Variants in SF3A2 observed in about 807,000 individuals in gnomAD.
SF3A2 encodes the protein splicing factor 3a subunit 2, also known as SAP 62.
Under a neutral mutation model 31.1 loss-of-function variants are expected in SF3A2, and 5 were observed. The ratio of observed to expected loss-of-function variants is 0.16; its 90% confidence interval spans 0.08 to 0.34. The LOEUF (loss-of-function observed/expected upper bound fraction) is 0.34, where lower values mean the gene tolerates loss of function less well. SF3A2 is among the 10% of genes least tolerant of loss of function. SF3A2 has a pLI of 1.00. For synonymous variants in SF3A2, 365 were observed against 263.7 expected, an observed-to-expected ratio of 1.38 and a Z score of -3.72; for missense variants, 577 against 643.9, an observed-to-expected ratio of 0.90 and a Z score of 1.13.
In SF3A2 at chr19:2,247,063, G is replaced by A. The variant is rs761634042; in HGVS notation, c.546+41G>A. ...GGTTCCCTGGGCCCCCTTGAGATGT[G>A]CAAGCCAGAAGGATCTGCATAGGCT... is the stretch of plus-strand genomic sequence containing the variant. On this transcript the variant is annotated intron_variant, in intron 7 of 8. Transcript: ENST00000221494. 7.6e-6 allele frequency: 8 copies of A among 1,058,656 alleles called. No individual in the cohort carries two copies. The South Asian group carries it at 1.1e-4, about 15-fold the overall frequency. The allele number at this position is 1,058,656 out of a possible 1,614,324, so 65.6% of individuals were successfully genotyped here. A position where few individuals can be genotyped will look rare whatever the true frequency, so the allele number is the denominator to read the frequency against.
chr19:2,248,007 G>A lies in SF3A2; in HGVS notation c.856G>A (p.Gly286Arg), dbSNP rs1459691559. The change falls in exon 9 of 9, where the codon GGG becomes AGG. Residue 286 changes from glycine (G) to arginine (R), a missense_variant. Physicochemically the swap from Gly to Arg is moderately radical, Grantham distance 125 (BLOSUM62 -2). This residue lies in a region of SF3A2 where 462 missense variants were observed against 339.1 expected (regional missense o/e 1.36). Coordinates refer to ENST00000221494, the MANE Select transcript of SF3A2 (RefSeq NM_007165.5). ...ACCCCAGCTACCCCCGCCAGCTCCA[G>A]GGGTCCACCCCCCGGCCCCAGTGGT... ...GPPQLPPPAP[G>R]VHPPAPVVHP... is the part of the protein sequence containing the mutation. 1 of 941,032 alleles carries A rather than the reference G, an allele frequency of 1.1e-6. No individual in the cohort carries two copies. The highest frequency in any genetic ancestry group is 1.6e-6 in the Non-Finnish European group (1 of 614,702). The allele number at this position is 941,032 out of a possible 1,614,324, so 58.3% of individuals were successfully genotyped here. A position where few individuals can be genotyped will look rare whatever the true frequency, so the allele number is the denominator to read the frequency against.
rs1203070278 is a variant in SF3A2, at chr19:2,245,291, C to T, written c.246-155C>T. 1.6e-6 allele frequency: 1 copy of T among 610,352 alleles called. No homozygotes were observed. The highest frequency in any genetic ancestry group is 2.9e-6 in the Non-Finnish European group (1 of 342,042). 37.8% of individuals were successfully genotyped at this position (610,352 alleles called of 1,614,324 possible). ...AGAACATGCCTGTCCTATCCCTGTC[C>T]TCAGCCAAACCCCAGGGCCCCTCCC... On this transcript the variant is annotated intron_variant, in intron 4 of 8. Transcript: ENST00000221494. The surrounding 1 kb of genome is among the most constrained non-coding windows in gnomAD (Gnocchi z 4.2).
rs200809541 is a variant in SF3A2 at position 2,247,757 on chromosome 19, G to T, written c.616-10G>T. On this transcript the variant is annotated splice_polypyrimidine_tract_variant and intron_variant, in intron 8 of 8. Coordinates refer to ENST00000221494, the MANE Select transcript of SF3A2 (RefSeq NM_007165.5). ...ACCCGTGCCTGCTGAACCTTTCTCCGTCTCTCTAGTTCTTCCTCCAGTTCC... is the reference window on the plus strand; with the variant it reads ...ACCCGTGCCTGCTGAACCTTTCTCCTTCTCTCTAGTTCTTCCTCCAGTTCC... 1 of 1,611,672 alleles carries T rather than the reference G, an allele frequency of 6.2e-7. No homozygotes were observed. The highest frequency in any genetic ancestry group is 8.5e-7 in the Non-Finnish European group (1 of 1,179,286).
In SF3A2 at chr19:2,247,755, C is replaced by T. The variant is rs753876457; in HGVS notation, c.616-12C>T. On this transcript the variant is annotated splice_polypyrimidine_tract_variant and intron_variant, in intron 8 of 8. Coordinates refer to ENST00000221494, the MANE Select transcript of SF3A2 (RefSeq NM_007165.5). The stretch of plus-strand genomic sequence containing the variant: ...CCACCCGTGCCTGCTGAACCTTTCT[C>T]CGTCTCTCTAGTTCTTCCTCCAGTT... 2 of 1,612,102 alleles carry T rather than the reference C, an allele frequency of 1.2e-6. No homozygotes were observed. The highest frequency in any genetic ancestry group is 1.1e-5 in the South Asian group (1 of 91,070).
In SF3A2 at chr19:2,245,659, G is replaced by C; in HGVS notation, c.355+104G>C. On this transcript the variant is annotated intron_variant, in intron 5 of 8. Coordinates refer to ENST00000221494, the MANE Select transcript of SF3A2 (RefSeq NM_007165.5). This position sits in a 1 kb window ranked among gnomAD's most constrained non-coding sequence, Gnocchi z 4.2. ...GCAGCCCTGATAGCCTCCTCCCTGAGCCACTGTTTTCCGGCCTTGGTGGCC... is the reference window on the plus strand; with the variant it reads ...GCAGCCCTGATAGCCTCCTCCCTGACCCACTGTTTTCCGGCCTTGGTGGCC... 1.2e-6 allele frequency: 1 copy of C among 853,842 alleles called. No homozygotes were observed. The highest frequency in any genetic ancestry group is 1.9e-6 in the Non-Finnish European group (1 of 522,912). 52.9% of individuals were successfully genotyped at this position (853,842 alleles called of 1,614,324 possible). A position where few individuals can be genotyped will look rare whatever the true frequency, so the allele number is the denominator to read the frequency against.
chr19:2,247,083 T>C lies in SF3A2; in HGVS notation c.546+61T>C, dbSNP rs12463261. Reference sequence around the variant, plus strand: ...GATGTGCAAGCCAGAAGGATCTGCATAGGCTGGGCAGGATGCCCCTCCCAT... The same window carrying C: ...GATGTGCAAGCCAGAAGGATCTGCACAGGCTGGGCAGGATGCCCCTCCCAT... On this transcript the variant is annotated intron_variant, in intron 7 of 8. Coordinates refer to ENST00000221494, the MANE Select transcript of SF3A2 (RefSeq NM_007165.5). The C allele has an allele frequency of 2.0e-4, 120 of 600,362 alleles. No homozygotes were observed. In the Middle Eastern group the frequency reaches 2.2e-3, roughly 11 times the overall value. 37.2% of individuals were successfully genotyped at this position (600,362 alleles called of 1,614,324 possible).
chr19:2,247,097 T>A (rs1216860728), intron 7 of SF3A2, 75 bp downstream of exon 7: 1 of 1,550,606 alleles, frequency 6.4e-7, no homozygotes, highest in Non-Finnish European at 8.6e-7. Context: ...CTGGGCAGGA[T>A]GCCCCTCCCA....
chr19:2,247,063 G>T, intron 7 of SF3A2, 41 bp downstream of exon 7: 1 of 1,058,656 alleles, frequency 9.4e-7, no homozygotes, highest in Non-Finnish European at 1.2e-6. Context: ...CTTGAGATGT[G>T]CAAGCCAGAA....
Position 2,247,577 on chromosome 19 carries a change from G to A in SF3A2, c.547-17G>A, listed in dbSNP as rs370688688. 6.8e-6 allele frequency: 11 copies of A among 1,612,754 alleles called. No homozygotes were observed. In the African/African-American group the frequency reaches 1.2e-4, roughly 18 times the overall value. On this transcript the variant is annotated splice_polypyrimidine_tract_variant and intron_variant, in intron 7 of 8. Coordinates refer to ENST00000221494, the MANE Select transcript of SF3A2 (RefSeq NM_007165.5). ...GTCACAGGGACCAGGAGCCCTCTCTGTCCCCCGCCCTCCCAGGTGCCGAGC... is the reference window on the plus strand; with the variant it reads ...GTCACAGGGACCAGGAGCCCTCTCTATCCCCCGCCCTCCCAGGTGCCGAGC...
chr19:2,244,676 A>C (rs72985496), intron 3 of SF3A2, 57 bp from the exon 4 acceptor site: 19,117 of 1,609,210 alleles, frequency 0.012, 151 homozygotes, highest in Non-Finnish European at 0.015. Flanking sequence ...CGTCAGGGGG[A>C]CCTGCCTGTG....
rs2024936292 is a variant in SF3A2 at position 2,246,703 on chromosome 19, A to G, written c.356-50A>G. ...GGCATTAGCCTGCCCCAGGTTCCTCAGCTTCGGAGAGGACAAGCAGCCGGG... is the reference window on the plus strand; with the variant it reads ...GGCATTAGCCTGCCCCAGGTTCCTCGGCTTCGGAGAGGACAAGCAGCCGGG... On this transcript the variant is annotated intron_variant, in intron 5 of 8. Coordinates refer to ENST00000221494, the MANE Select transcript of SF3A2 (RefSeq NM_007165.5). This position sits in a 1 kb window ranked among gnomAD's most constrained non-coding sequence, Gnocchi z 5.5. The G allele has an allele frequency of 4.3e-6, 7 of 1,610,728 alleles. No individual in the cohort carries two copies. Among genetic ancestry groups the G allele is most frequent in the Non-Finnish European group, 5.9e-6 (7 of 1,177,890 alleles).
At position 2,245,809 on chromosome 19, in the gene SF3A2, G is replaced by A. The variant is rs1405012255; in HGVS notation, c.355+254G>A. 1 of 520,800 alleles carries A rather than the reference G, an allele frequency of 1.9e-6. No homozygotes were observed. Among genetic ancestry groups the A allele is most frequent in the African/African-American group, 1.9e-5 (1 of 51,876 alleles). The allele number at this position is 520,800 out of a possible 1,614,324, so 32.3% of individuals were successfully genotyped here. A position where few individuals can be genotyped will look rare whatever the true frequency, so the allele number is the denominator to read the frequency against. On this transcript the variant is annotated intron_variant, in intron 5 of 8. Coordinates refer to ENST00000221494, the MANE Select transcript of SF3A2 (RefSeq NM_007165.5). This position sits in a 1 kb window ranked among gnomAD's most constrained non-coding sequence, Gnocchi z 4.2. ...CCACAGTCTGTGCCCTCCTGTCCGG[G>A]TCTTGTGGAAGCTTCTGGGAATTCT...
At position 2,246,692 on chromosome 19, in the gene SF3A2, C is replaced by T; in HGVS notation, c.356-61C>T. ...GTTCAGTGGGTGGCATTAGCCTGCCCCAGGTTCCTCAGCTTCGGAGAGGAC... is the reference window on the plus strand; with the variant it reads ...GTTCAGTGGGTGGCATTAGCCTGCCTCAGGTTCCTCAGCTTCGGAGAGGAC... On this transcript the variant is annotated intron_variant, in intron 5 of 8. Transcript: ENST00000221494. This position sits in a 1 kb window ranked among gnomAD's most constrained non-coding sequence, Gnocchi z 5.5. The T allele has an allele frequency of 6.2e-7, 1 of 1,605,564 alleles. No homozygotes were observed. Among genetic ancestry groups the T allele is most frequent in the East Asian group, 2.2e-5 (1 of 44,648 alleles).
Position 2,247,584 on chromosome 19 carries a change from GC to G in SF3A2, c.547-7del. On this transcript the variant is annotated splice_polypyrimidine_tract_variant and intron_variant, in intron 7 of 8. Transcript: ENST00000221494. ...GGACCAGGAGCCCTCTCTGTCCCCC[GC>G]CCTCCCAGGTGCCGAGCAGAGAGAT... The G allele has an allele frequency of 6.2e-7, 1 of 1,612,948 alleles. No homozygotes were observed. The highest frequency in any genetic ancestry group is 1.3e-5 in the African/African-American group (1 of 74,986).
chr19:2,237,597 A>T (rs2024842058), intron 1 of SF3A2: 1 of 152,132 alleles, frequency 6.6e-6, no homozygotes, highest in African/African-American at 2.4e-5. Flanking sequence ...AATAAAAAAG[A>T]AACAACCAAG....
rs113781495 is a variant in SF3A2, at chr19:2,247,759, C to G, written c.616-8C>G. On this transcript the variant is annotated splice_region_variant and splice_polypyrimidine_tract_variant and intron_variant, in intron 8 of 8. Coordinates refer to ENST00000221494, the MANE Select transcript of SF3A2 (RefSeq NM_007165.5). ...CCGTGCCTGCTGAACCTTTCTCCGT[C>G]TCTCTAGTTCTTCCTCCAGTTCCAC... is the stretch of plus-strand genomic sequence containing the variant. The G allele has an allele frequency of 6.8e-6, 11 of 1,611,756 alleles. No individual in the cohort carries two copies. Among genetic ancestry groups the G allele is most frequent in the African/African-American group, 1.3e-5 (1 of 74,828 alleles).
chr19:2,247,698 C>A, intron 8 of SF3A2, 36 bp downstream of exon 8: 1 of 1,612,238 alleles, frequency 6.2e-7, no homozygotes, highest in South Asian at 1.1e-5. Flanking sequence ...TCCTTCCCAC[C>A]CAGCCCTGGC....
At chr19:2,242,159 C>T (rs1200321776) in intron 1 of SF3A2, among the ~76,000 whole-genome samples, 5 of 151,992 alleles carry the variant, frequency 3.3e-5, no homozygotes, top group African/African-American at 1.2e-4. Flanking sequence ...TGGCCTGTCC[C>T]TCAGCGTGCC....
chr19:2,239,382 G>GA (rs538575848), intron 1 of SF3A2, among the ~76,000 whole-genome samples: 3 of 149,256 alleles, frequency 2.0e-5, no homozygotes, highest in African/African-American at 4.9e-5. Context: ...AAAAGAGAGA[G>GA]AAAAAAATCT....
Sources: allele counts gnomAD v4.1 joint callset (sites outside exome capture counted in the v4.1 genomes callset), GRCh38; gene constraint gnomAD v4.1.1; regional missense constraint gnomAD v4.1.1; non-coding constraint Gnocchi (gnomAD v3.1); transcripts MANE v1.5; gene names NCBI Gene and HGNC (gene_info 2026-07-23, HGNC 2026-07-21).